ZNF804A: variants seen among roughly 807,000 people sequenced by gnomAD.
The protein encoded by ZNF804A is zinc finger protein 804A.
In ZNF804A, 2 loss-of-function variants were observed where a neutral mutation model predicts 16.5. The observed-to-expected ratio is 0.12, with a 90% CI of 0.05 to 0.38. ZNF804A has a LOEUF of 0.38. Among genes scored for constraint, ZNF804A ranks in the 10% least tolerant of loss-of-function variants. The pLI, the probability that ZNF804A is intolerant of heterozygous loss-of-function variation, is 0.99. For synonymous variants in ZNF804A, 534 were observed against 489.6 expected (o/e 1.09, Z -1.20); for missense variants, 1,473 against 1,390.7 (o/e 1.06, Z -0.94).
chr2:184,635,904 G>A (rs13426842), intron 1 of ZNF804A, among the ~76,000 whole-genome samples: 4,986 of 152,140 alleles, frequency 0.033, 274 homozygotes, highest in African/African-American at 0.11. Flanking sequence ...TGCATCTATT[G>A]TGCCTGATGG....
chr2:184,754,766 T>A (rs1223185091), intron 1 of ZNF804A, among the ~76,000 whole-genome samples: 1 of 151,836 alleles, frequency 6.6e-6, no homozygotes, highest in Non-Finnish European at 1.5e-5. Flanking sequence ...TTATTCATCT[T>A]TTTTTTAAAA....
chr2:184,604,439 C>T (rs552231204), intron 1 of ZNF804A, among the ~76,000 whole-genome samples: 18 of 152,070 alleles, frequency 1.2e-4, no homozygotes, highest in African/African-American at 3.9e-4. Context: ...TCCCAAATTG[C>T]TGGGATTACA....
At chr2:184,748,270 T>C (rs963233768) in intron 1 of ZNF804A, among the ~76,000 whole-genome samples, 6 of 147,264 alleles carry the variant, frequency 4.1e-5, no homozygotes, top group Non-Finnish European at 9.1e-5. Flanking sequence ...CTTTTCTCCA[T>C]AGCCTCACTA....
intron 1 of ZNF804A, among the ~76,000 whole-genome samples, chr2:184,678,763 G>A (rs964237851): frequency 6.6e-6 from 1 of 152,182 alleles, no homozygotes; most frequent in African/African-American, 2.4e-5. Context: ...ACTAATGGGT[G>A]CTGAATGCTA....
At chr2:184,653,054 T>C (rs1692014868) in intron 1 of ZNF804A, among the ~76,000 whole-genome samples, 1 of 152,166 alleles carries the variant, frequency 6.6e-6, no homozygotes, top group Non-Finnish European at 1.5e-5. Flanking sequence ...CTCTTTCCTT[T>C]ATAAATTACC....
intron 1 of ZNF804A, among the ~76,000 whole-genome samples, chr2:184,613,990 A>G (rs541707739): frequency 6.6e-6 from 1 of 152,286 alleles, no homozygotes; most frequent in East Asian, 1.9e-4. Context: ...AATCCTAAGT[A>G]AAAAGAACAA....
chr2:184,903,983 A>G (rs902452481), intron 2 of ZNF804A, among the ~76,000 whole-genome samples: 1 of 151,832 alleles, frequency 6.6e-6, no homozygotes, highest in African/African-American at 2.4e-5. Context: ...AAGATTCCCG[A>G]AAAAAACCCT....
intron 1 of ZNF804A, among the ~76,000 whole-genome samples, chr2:184,840,118 G>T (rs1695413845): frequency 6.6e-6 from 1 of 152,178 alleles, no homozygotes; most frequent in South Asian, 2.1e-4. Context: ...GGCCATCGTG[G>T]TGGTTCACAC....
intron 1 of ZNF804A, among the ~76,000 whole-genome samples, chr2:184,684,518 A>C (rs181084465): frequency 6.6e-6 from 1 of 152,270 alleles, no homozygotes; most frequent in East Asian, 1.9e-4. Flanking sequence ...TTTCGAGAGA[A>C]TATTGTATAT....
intron 2 of ZNF804A, among the ~76,000 whole-genome samples, chr2:184,913,824 A>G (rs966424420): frequency 2.0e-5 from 3 of 152,114 alleles, no homozygotes; most frequent in Admixed American, 2.0e-4. Flanking sequence ...GCTTAACCTC[A>G]CTACTCATGT....
intron 1 of ZNF804A, among the ~76,000 whole-genome samples, chr2:184,718,978 A>T (rs909624565): frequency 5.3e-5 from 8 of 152,090 alleles, no homozygotes; most frequent in African/African-American, 1.9e-4. Flanking sequence ...CCCTTCCCCC[A>T]CACTGCCCTA....
intron 1 of ZNF804A, among the ~76,000 whole-genome samples, chr2:184,693,533 T>A (rs1692767467): frequency 6.6e-6 from 1 of 152,218 alleles, no homozygotes; most frequent in African/African-American, 2.4e-5. Flanking sequence ...ATATGCAGGC[T>A]ATGTTACAGA....
At chr2:184,727,936 G>T (rs928643368) in intron 1 of ZNF804A, among the ~76,000 whole-genome samples, 1 of 151,620 alleles carries the variant, frequency 6.6e-6, no homozygotes, top group Non-Finnish European at 1.5e-5. Flanking sequence ...ACATTCAACT[G>T]GTAAATGGCA....
chr2:184,936,493 C>T lies in ZNF804A; in HGVS notation c.1097C>T (p.Ser366Phe). The T allele has an allele frequency of 6.2e-7, 1 of 1,613,876 alleles. No homozygotes were observed. The highest frequency in any genetic ancestry group is 8.5e-7 in the Non-Finnish European group (1 of 1,179,934). Residue 366 changes from serine to phenylalanine, a missense_variant, in exon 4 of 4, where the codon TCT (serine) becomes TTT (phenylalanine). Ser to Phe is a radical substitution (Grantham distance 155). Coordinates refer to ENST00000302277, the MANE Select transcript of ZNF804A (RefSeq NM_194250.2). The stretch of plus-strand genomic sequence containing the variant: ...AATAAATCCACAGTTCTTGACATGT[C>T]TAATGATTGCATATCTGTGCAAGCT... The part of the protein sequence containing the change: ...LGNKSTVLDM[S>F]NDCISVQATT...
intron 1 of ZNF804A, among the ~76,000 whole-genome samples, chr2:184,601,062 A>T (rs1691035861): frequency 6.6e-6 from 1 of 152,142 alleles, no homozygotes; most frequent in Non-Finnish European, 1.5e-5. Flanking sequence ...GTCCTTCCAG[A>T]TGATTTTAAA....
chr2:184,927,035 A>G (rs575604948), intron 2 of ZNF804A, among the ~76,000 whole-genome samples: 3 of 152,302 alleles, frequency 2.0e-5, no homozygotes, highest in African/African-American at 7.2e-5. Flanking sequence ...TGATGAGATC[A>G]TGTTTTCCTG....
At chr2:184,693,723 T>C (rs944970190) in intron 1 of ZNF804A, among the ~76,000 whole-genome samples, 6 of 152,206 alleles carry the variant, frequency 3.9e-5, no homozygotes, top group Non-Finnish European at 8.8e-5. Flanking sequence ...TAAATGTTCT[T>C]GTAGCTGGTG....
chr2:184,792,171 G>C (rs984169209), intron 1 of ZNF804A, among the ~76,000 whole-genome samples: 3 of 152,142 alleles, frequency 2.0e-5, no homozygotes, highest in Non-Finnish European at 2.9e-5. Context: ...GTTCATTTGA[G>C]TGGATACCCA....
intron 2 of ZNF804A, 63 bp from the exon 3 acceptor site, chr2:184,933,540 T>C: frequency 1.3e-6 from 2 of 1,483,316 alleles, no homozygotes; most frequent in South Asian, 1.3e-5. Flanking sequence ...ACAATAACAA[T>C]GAAACTTTAA....
Sources: gnomAD v4.1 joint callset for allele counts (sites outside exome capture counted in the v4.1 genomes callset) on GRCh38, gnomAD v4.1.1 for gene constraint, MANE v1.5 for transcripts, NCBI Gene and HGNC (gene_info 2026-07-23, HGNC 2026-07-21) for gene names.